GRM3: variants seen among roughly 807,000 people sequenced by gnomAD.
GRM3 encodes the protein glutamate metabotropic receptor 3, also known as metabotropic glutamate receptor 3.
A neutral mutation model predicts 70.5 loss-of-function variants in GRM3; 26 were observed. The observed-to-expected ratio is 0.37, with a 90% CI of 0.27 to 0.51. The LOEUF is 0.51. Among genes scored for constraint, GRM3 ranks in the 20% least tolerant of loss-of-function variants. The probability of loss-of-function intolerance (pLI) is 0.93; values close to 1 mark genes in which losing one functional copy is unlikely to be tolerated. For synonymous variants in GRM3, 443 were observed against 434.9 expected, an observed-to-expected ratio of 1.02 and a Z score of -0.23; for missense variants, 859 against 1,123.8, an observed-to-expected ratio of 0.76 and a Z score of 3.37.
chr7:86,788,608 T>C (rs1421793757), intron 3 of GRM3, among the ~76,000 whole-genome samples: 3 of 152,220 alleles, frequency 2.0e-5, no homozygotes, highest in Non-Finnish European at 2.9e-5. Flanking sequence ...TGAGCATTCA[T>C]CTTCAAATCC....
chr7:86,827,766 A>C (rs1798267225), intron 3 of GRM3, among the ~76,000 whole-genome samples: 2 of 152,124 alleles, frequency 1.3e-5, no homozygotes, highest in South Asian at 4.1e-4. Context: ...CACCTCCCAA[A>C]GTGCTGGGAT....
chr7:86,679,667 C>T (rs563978789), intron 1 of GRM3, among the ~76,000 whole-genome samples: 2 of 152,092 alleles, frequency 1.3e-5, no homozygotes, highest in Admixed American at 1.3e-4. Context: ...CCATTCCTGT[C>T]CTCATTCCTC....
intron 3 of GRM3, among the ~76,000 whole-genome samples, chr7:86,837,129 CATATA>C (rs1798472202): frequency 6.6e-6 from 1 of 152,104 alleles, no homozygotes; most frequent in South Asian, 2.1e-4. Context: ...ATAAATTGGG[CATATA>C]ATATTTATAA....
intron 5 of GRM3, among the ~76,000 whole-genome samples, chr7:86,851,588 A>T (rs558933983): frequency 3.9e-5 from 6 of 152,274 alleles, no homozygotes; most frequent in African/African-American, 1.4e-4. Context: ...ACTTCAAAAT[A>T]GCTCAGCATC....
At chr7:86,706,766 A>T (rs1030064697) in intron 1 of GRM3, among the ~76,000 whole-genome samples, 1 of 151,562 alleles carries the variant, frequency 6.6e-6, no homozygotes, top group Non-Finnish European at 1.5e-5. Flanking sequence ...AAATGGGTTG[A>T]TTTTTTTTTA....
intron 3 of GRM3, among the ~76,000 whole-genome samples, chr7:86,823,688 G>A (rs1798174394): frequency 2.0e-5 from 3 of 149,068 alleles, no homozygotes; most frequent in African/African-American, 7.4e-5. Flanking sequence ...CTTTTCCCGG[G>A]TTCTAAACAT....
intron 3 of GRM3, among the ~76,000 whole-genome samples, chr7:86,824,016 C>CA (rs1798182016): frequency 6.6e-6 from 1 of 152,176 alleles, no homozygotes; most frequent in African/African-American, 2.4e-5. Context: ...AAGACCCACT[C>CA]AGTCTGTATA....
At chr7:86,794,169 T>C (rs1797493107) in intron 3 of GRM3, among the ~76,000 whole-genome samples, 1 of 152,184 alleles carries the variant, frequency 6.6e-6, no homozygotes. Flanking sequence ...AAGAACATAG[T>C]CTTCTAAAGG....
chr7:86,726,011 G>A lies in GRM3; in HGVS notation c.-140-38995G>A, dbSNP rs565100600. ...CAAATATCATCACACTGGGGATTAG[G>A]CTTCAACCTGTGAGTTTTGGGGTCA... On this transcript the variant is annotated intron_variant, in intron 1 of 5. Coordinates refer to ENST00000361669, the MANE Select transcript of GRM3 (RefSeq NM_000840.3). Among the ~76,000 whole-genome samples the A allele has an allele frequency of 2.0e-5, 3 of 152,258 alleles. No homozygotes were observed. In the East Asian group the frequency reaches 5.8e-4, roughly 29 times the overall value.
Position 86,765,263 on chromosome 7 carries a change from GT to G in GRM3, c.122del (p.Leu41Ter). 6.2e-7 allele frequency: 1 copy of G among 1,613,852 alleles called. No homozygotes were observed. The highest frequency in any genetic ancestry group is 2.2e-5 in the East Asian group (1 of 44,862). On this transcript the variant is annotated frameshift_variant, in exon 2 of 6. Transcript: ENST00000361669. LOFTEE classifies it high-confidence loss of function. ...RREIKIEGDLVLGGLFPINEK... is the reference protein window; with the variant it reads ...RREIKIEGDLXLGGLFPINEK... Reference sequence around the variant, plus strand: ...AGAGATTAAAATAGAAGGTGACCTTGTTTTAGGGGGCCTGTTTCCTATTAAC... The same window carrying G: ...AGAGATTAAAATAGAAGGTGACCTTGTTTAGGGGGCCTGTTTCCTATTAAC...
At chr7:86,702,728 T>C (rs369012406) in intron 1 of GRM3, among the ~76,000 whole-genome samples, 2 of 151,966 alleles carry the variant, frequency 1.3e-5, no homozygotes, top group East Asian at 3.9e-4. Context: ...TTTTTGTTGT[T>C]TATAACATAG....
intron 5 of GRM3, 77 bp from the exon 6 acceptor site, chr7:86,864,205 C>A: frequency 3.8e-6 from 3 of 788,734 alleles, no homozygotes; most frequent in Middle Eastern, 4.5e-4. Context: ...TCCCCAAAGT[C>A]CATTGTATCC....
chr7:86,661,064 A>G (rs1207981119), intron 1 of GRM3, among the ~76,000 whole-genome samples: 3 of 152,014 alleles, frequency 2.0e-5, no homozygotes, highest in African/African-American at 7.2e-5. Context: ...GAGTATAAAC[A>G]GCATCATGGT....
chr7:86,808,123 GA>G (rs1797834066), intron 3 of GRM3, among the ~76,000 whole-genome samples: 1 of 152,110 alleles, frequency 6.6e-6, no homozygotes, highest in African/African-American at 2.4e-5. Flanking sequence ...TAAGCTTTTT[GA>G]TGTGCTGCTG....
At chr7:86,711,176 A>G (rs73705001) in intron 1 of GRM3, among the ~76,000 whole-genome samples, 3 of 151,286 alleles carry the variant, frequency 2.0e-5, no homozygotes, top group Non-Finnish European at 4.4e-5. Flanking sequence ...AATTTAATTT[A>G]ATTTAATTTT....
intron 3 of GRM3, among the ~76,000 whole-genome samples, chr7:86,799,956 AC>A (rs1797644984): frequency 6.6e-6 from 1 of 152,134 alleles, no homozygotes; most frequent in Non-Finnish European, 1.5e-5. Flanking sequence ...TATATGTTGA[AC>A]CAGGCTTGCA....
chr7:86,839,484 C>G lies in GRM3; in HGVS notation c.1970C>G (p.Ser657Ter). 6.2e-7 allele frequency: 1 copy of G among 1,610,994 alleles called. No individual in the cohort carries two copies. The highest frequency in any genetic ancestry group is 8.5e-7 in the Non-Finnish European group (1 of 1,178,230). Residue 657 changes from serine to a stop codon, truncating the protein, a stop_gained, in exon 4 of 6, where the codon TCA (serine) becomes TGA (stop). Transcript: ENST00000361669. LOFTEE classifies it high-confidence loss of function. The surrounding 1 kb of genome is among the most constrained non-coding windows in gnomAD (Gnocchi z 4.5). Reference protein sequence around the residue: ...GLGSSFAICYSALLTKTNCIA... With the variant: ...GLGSSFAICY Reference sequence around the variant, plus strand: ...GGGAGTTCCTTCGCTATCTGTTACTCAGCCCTGCTGACCAAGACAAACTGC... The same window carrying G: ...GGGAGTTCCTTCGCTATCTGTTACTGAGCCCTGCTGACCAAGACAAACTGC...
At chr7:86,665,006 A>G (rs1310358987) in intron 1 of GRM3, among the ~76,000 whole-genome samples, 1 of 152,000 alleles carries the variant, frequency 6.6e-6, no homozygotes, top group African/African-American at 2.4e-5. Flanking sequence ...GCTAAGATAA[A>G]TTTTAGTCTT....
chr7:86,846,375 C>G (rs1222482903), intron 4 of GRM3, among the ~76,000 whole-genome samples: 1 of 152,154 alleles, frequency 6.6e-6, no homozygotes, highest in Non-Finnish European at 1.5e-5. Flanking sequence ...GTCTCAACCT[C>G]CCAAGGAAAC....
Sources: allele counts gnomAD v4.1 joint callset (sites outside exome capture counted in the v4.1 genomes callset), GRCh38; gene constraint gnomAD v4.1.1; non-coding constraint Gnocchi (gnomAD v3.1); transcripts MANE v1.5; gene names NCBI Gene and HGNC (gene_info 2026-07-23, HGNC 2026-07-21).